Variants in FAF1 observed in about 807,000 individuals in gnomAD.
FAF1 encodes Fas associated factor 1.
A neutral mutation model predicts 92.5 loss-of-function variants in FAF1; 25 were observed. The observed-to-expected ratio is 0.27, with a 90% CI of 0.20 to 0.38. The LOEUF is 0.38. Ranked by LOEUF, FAF1 falls within the 10% of genes least tolerant of loss-of-function variation. FAF1 has a pLI of 1.00. For synonymous variants in FAF1, 234 were observed against 273.2 expected (o/e 0.86, Z 1.42); for missense variants, 636 against 793.3 (o/e 0.80, Z 2.38).
chr1:50,728,690 C>T (rs545206598), intron 6 of FAF1, among the ~76,000 whole-genome samples: 8 of 151,372 alleles, frequency 5.3e-5, no homozygotes, highest in African/African-American at 1.7e-4. Context: ...ACTCGGGAGG[C>T]TGAGGCAGGA....
At chr1:50,873,434 T>G (rs1644544920) in intron 1 of FAF1, among the ~76,000 whole-genome samples, 1 of 152,214 alleles carries the variant, frequency 6.6e-6, no homozygotes, top group Non-Finnish European at 1.5e-5. Context: ...CTAGACATTA[T>G]TTGAAATGTA....
chr1:50,951,028 C>CGA (rs1645210380), intron 1 of FAF1, among the ~76,000 whole-genome samples: 1 of 152,166 alleles, frequency 6.6e-6, no homozygotes, highest in Non-Finnish European at 1.5e-5. Context: ...GTCAGGAGTT[C>CGA]GAGACCAGAC....
At chr1:50,716,004 T>C (rs997388026) in intron 6 of FAF1, among the ~76,000 whole-genome samples, 2 of 152,216 alleles carry the variant, frequency 1.3e-5, no homozygotes, top group Non-Finnish European at 2.9e-5. Context: ...TTGTCTTGAC[T>C]GAGTTTATGT....
intron 13 of FAF1, among the ~76,000 whole-genome samples, chr1:50,559,673 A>T (rs572481033): frequency 1.3e-5 from 2 of 152,330 alleles, no homozygotes; most frequent in South Asian, 4.1e-4. Flanking sequence ...CGCCACTAAA[A>T]ATCAAAAGCA....
At chr1:50,772,938 G>A (rs1660824562) in intron 4 of FAF1, among the ~76,000 whole-genome samples, 1 of 152,038 alleles carries the variant, frequency 6.6e-6, no homozygotes, top group Admixed American at 6.6e-5. Flanking sequence ...AGCACTTTGG[G>A]ATAAGGCTAC....
At position 50,867,863 on chromosome 1, in the gene FAF1, A is replaced by G. The variant is rs201041674; in HGVS notation, c.46-9866T>C. ...CAGAGGGAAAGAAGTCATTATATGAAAAAGACTCTTGCACACACGTTTATA... is the reference window on the plus strand; with the variant it reads ...CAGAGGGAAAGAAGTCATTATATGAGAAAGACTCTTGCACACACGTTTATA... On this transcript the variant is annotated intron_variant, in intron 1 of 18. Coordinates refer to ENST00000396153, the MANE Select transcript of FAF1 (RefSeq NM_007051.3). Among the ~76,000 whole-genome samples the G allele has an allele frequency of 3.3e-5, 5 of 152,304 alleles. No individual in the cohort carries two copies. In the East Asian group the frequency reaches 9.6e-4, roughly 29 times the overall value.
chr1:50,956,705 T>C (rs1008923701), intron 1 of FAF1, among the ~76,000 whole-genome samples: 1 of 152,190 alleles, frequency 6.6e-6, no homozygotes, highest in African/African-American at 2.4e-5. Flanking sequence ...TCCCAGCACT[T>C]TGGGAGGCCA....
intron 7 of FAF1, among the ~76,000 whole-genome samples, chr1:50,681,557 G>A (rs552681108): frequency 3.3e-5 from 5 of 151,708 alleles, no homozygotes; most frequent in East Asian, 1.9e-4. Flanking sequence ...GCCCATGCTC[G>A]AGTGCAATGG....
At chr1:50,871,879 C>G (rs1644530541) in intron 1 of FAF1, among the ~76,000 whole-genome samples, 2 of 151,946 alleles carry the variant, frequency 1.3e-5, no homozygotes, top group South Asian at 4.1e-4. Context: ...TCCTGGCTAA[C>G]ACGGTGAAAC....
rs373487022 is a variant in FAF1, at chr1:50,566,871, G to T, written c.1268+206C>A. On this transcript the variant is annotated intron_variant, in intron 13 of 18. Transcript: ENST00000396153. The stretch of plus-strand genomic sequence containing the variant: ...GTATTTTTGTTTTCAGGTTATTCTT[G>T]AATTTAAAAAGTTTTTATAAGTTAA... 1.1e-4 allele frequency among the ~76,000 whole-genome samples: 17 copies of T among 152,102 alleles called. No individual in the cohort carries two copies. In the East Asian group the frequency reaches 2.3e-3, roughly 21 times the overall value.
intron 7 of FAF1, among the ~76,000 whole-genome samples, chr1:50,705,449 T>C (rs892882300): frequency 6.6e-6 from 1 of 152,228 alleles, no homozygotes; most frequent in South Asian, 2.1e-4. Context: ...AAATAAAATA[T>C]AAGCATCCTC....
intron 18 of FAF1, among the ~76,000 whole-genome samples, chr1:50,448,291 T>C (rs1646252674): frequency 6.6e-6 from 1 of 152,210 alleles, no homozygotes; most frequent in Admixed American, 6.5e-5. Context: ...GAGGGATACC[T>C]GGGTTGGATT....
rs544016578 is a variant in FAF1, at chr1:50,599,079, T to A, written c.745-2863A>T. Among the ~76,000 whole-genome samples, 7 of 152,332 alleles carry A rather than the reference T, an allele frequency of 4.6e-5. No homozygotes were observed. In the South Asian group the frequency reaches 1.4e-3, roughly 32 times the overall value. On this transcript the variant is annotated intron_variant, in intron 8 of 18. Transcript: ENST00000396153. ...GGTCAAAATTATTTCATAATAATACTTAAATGGCATTAGACTTTTTCACTG... is the reference window on the plus strand; with the variant it reads ...GGTCAAAATTATTTCATAATAATACATAAATGGCATTAGACTTTTTCACTG...
chr1:50,691,801 G>A (rs1450118407), intron 7 of FAF1, among the ~76,000 whole-genome samples: 9 of 152,224 alleles, frequency 5.9e-5, no homozygotes, highest in East Asian at 1.9e-4. Context: ...GACTATAGGC[G>A]TGAGCCATCG....
At chr1:50,912,659 A>T (rs1303800679) in intron 1 of FAF1, among the ~76,000 whole-genome samples, 1 of 152,128 alleles carries the variant, frequency 6.6e-6, no homozygotes, top group East Asian at 1.9e-4. Flanking sequence ...ACTGTTTCCC[A>T]AAAGAAGTTG....
chr1:50,755,173 C>T (rs1283508286), intron 4 of FAF1, among the ~76,000 whole-genome samples: 4 of 152,266 alleles, frequency 2.6e-5, no homozygotes, highest in Non-Finnish European at 4.4e-5. Flanking sequence ...CAAGGCAAGT[C>T]CCTTCGACCT....
At chr1:50,850,389 T>C (rs1228755777) in intron 2 of FAF1, among the ~76,000 whole-genome samples, 3 of 152,108 alleles carry the variant, frequency 2.0e-5, no homozygotes, top group Admixed American at 2.0e-4. Flanking sequence ...TAAAGAACAA[T>C]TCCATTATTC....
At chr1:50,771,402 A>G (rs539422012) in intron 4 of FAF1, among the ~76,000 whole-genome samples, 1 of 152,310 alleles carries the variant, frequency 6.6e-6, no homozygotes, top group East Asian at 1.9e-4. Flanking sequence ...CAGAATCTAT[A>G]AGAAACTTAA....
intron 1 of FAF1, among the ~76,000 whole-genome samples, chr1:50,939,573 G>C (rs1000663110): frequency 6.6e-6 from 1 of 152,160 alleles, no homozygotes; most frequent in Non-Finnish European, 1.5e-5. Flanking sequence ...GAACAGGAGT[G>C]GTGAGAGTAG....
Sources: allele counts gnomAD v4.1 joint callset (sites outside exome capture counted in the v4.1 genomes callset), GRCh38; gene constraint gnomAD v4.1.1; transcripts MANE v1.5; gene names NCBI Gene and HGNC (gene_info 2026-07-23, HGNC 2026-07-21).